The following PCDHA12 variants were observed in gnomAD, a reference collection of about 807,000 sequenced individuals.
PCDHA12 encodes the protein protocadherin alpha-12.
A neutral mutation model predicts 60.0 loss-of-function variants in PCDHA12; 44 were observed. That is an observed-to-expected ratio of 0.73 (90% CI 0.58 to 0.94). PCDHA12 has a LOEUF of 0.94. Among genes scored for constraint, PCDHA12 ranks in the 40% least tolerant of loss-of-function variants. PCDHA12 has a pLI of 0.00. For synonymous variants in PCDHA12, 569 were observed against 553.0 expected, an observed-to-expected ratio of 1.03 and a Z score of -0.40; for missense variants, 1,276 against 1,239.7, an observed-to-expected ratio of 1.03 and a Z score of -0.44.
At chr5:140,947,134 A>T in intron 1 of PCDHA12, among the ~76,000 whole-genome samples, 1 of 151,648 alleles carries the variant, frequency 6.6e-6, no homozygotes, top group Admixed American at 6.6e-5. Context: ...AAAAATAGTA[A>T]AATGTATAGT....
rs782531082 is a variant in PCDHA12 at position 140,877,160 on chromosome 5, C to T, written c.1688C>T (p.Pro563Leu). The T allele has an allele frequency of 4.0e-5, 64 of 1,613,696 alleles. 1 individual carries two copies. In the Admixed American group the frequency reaches 1.0e-3, roughly 26 times the overall value. ...VFVLDENDNA[P>L]ALLATPAGSA... is the part of the protein sequence containing the mutation. The stretch of plus-strand genomic sequence containing the variant: ...GTGCTGGACGAGAACGACAACGCGC[C>T]GGCACTGCTGGCGACTCCGGCTGGC... Residue 563 changes from proline to leucine, a missense_variant, in exon 1 of 4, where the codon CCG becomes CTG. Transcript: ENST00000398631.
At chr5:140,973,946 G>A (rs566831681) in intron 1 of PCDHA12, among the ~76,000 whole-genome samples, 45 of 152,304 alleles carry the variant, frequency 3.0e-4, no homozygotes, top group Non-Finnish European at 1.5e-4. Flanking sequence ...GAATATGATG[G>A]CATTTTACAG....
At chr5:140,971,987 G>A (rs1246433962) in intron 1 of PCDHA12, among the ~76,000 whole-genome samples, 1 of 152,086 alleles carries the variant, frequency 6.6e-6, no homozygotes, top group Non-Finnish European at 1.5e-5. Context: ...GTAGACAGAA[G>A]TTCCAATGTT....
At chr5:140,917,522 G>A (rs931609211) in intron 1 of PCDHA12, among the ~76,000 whole-genome samples, 1 of 152,144 alleles carries the variant, frequency 6.6e-6, no homozygotes, top group Non-Finnish European at 1.5e-5. Context: ...TTTATTCTAC[G>A]GTTTGTATAG....
intron 3 of PCDHA12, among the ~76,000 whole-genome samples, chr5:140,999,483 T>G (rs1316785085): frequency 3.3e-5 from 5 of 152,152 alleles, no homozygotes; most frequent in Admixed American, 2.6e-4. Flanking sequence ...CCAACTCAAG[T>G]CTATGTTACC....
chr5:140,941,202 C>CTTTCTGTCTTTCTTT (rs1554213921), intron 1 of PCDHA12, among the ~76,000 whole-genome samples: 1 of 122,742 alleles, frequency 8.1e-6, no homozygotes, highest in African/African-American at 3.0e-5. Context: ...TTTCTTTCTT[C>CTTTCTGTCTTTCTTT]CTTTCTTTCT....
At position 140,875,922 on chromosome 5, in the gene PCDHA12, T is replaced by A. The variant is rs1554168077; in HGVS notation, c.450T>A (p.Ser150=). ...TTTCTGAATCTGCGCCTCTGGACTC[T>A]CATTTTCCTCTAGAGGGCGCTTCTG... ...VPVSESAPLD[S]HFPLEGASDA... Residue 150 remains serine (S), a synonymous_variant, in exon 1 of 4, where the codon TCT becomes TCA. Coordinates refer to ENST00000398631, the MANE Select transcript of PCDHA12 (RefSeq NM_018903.4). 6.2e-7 allele frequency: 1 copy of A among 1,614,200 alleles called. No homozygotes were observed. Among genetic ancestry groups the A allele is most frequent in the Admixed American group, 1.7e-5 (1 of 60,028 alleles).
At chr5:140,941,255 C>CTTTCTTTCTTTCTTTCTTTCTTTCTTTT (rs782490896) in intron 1 of PCDHA12, among the ~76,000 whole-genome samples, 1 of 44,508 alleles carries the variant, frequency 2.2e-5, no homozygotes, top group Non-Finnish European at 5.1e-5. Flanking sequence ...TTCTTTCTTT[C>CTTTCTTTCTTTCTTTCTTTCTTTCTTTT]TCTTTCTTTC....
chr5:140,988,024 A>G (rs2153870091), intron 3 of PCDHA12, among the ~76,000 whole-genome samples: 1 of 152,316 alleles, frequency 6.6e-6, no homozygotes, highest in East Asian at 1.9e-4. Flanking sequence ...ATGATTCTTA[A>G]GTTTTTTAGA....
chr5:140,987,636 C>A (rs569411440), intron 3 of PCDHA12, among the ~76,000 whole-genome samples: 1 of 152,256 alleles, frequency 6.6e-6, no homozygotes, highest in African/African-American at 2.4e-5. Context: ...TGAGATAATG[C>A]ACACATATTG....
At chr5:140,973,414 C>G (rs992904408) in intron 1 of PCDHA12, among the ~76,000 whole-genome samples, 1 of 152,204 alleles carries the variant, frequency 6.6e-6, no homozygotes, top group Non-Finnish European at 1.5e-5. Flanking sequence ...GCTTCCACTC[C>G]AGTTTTTCAT....
intron 1 of PCDHA12, among the ~76,000 whole-genome samples, chr5:140,969,881 G>C (rs1554232131): frequency 6.6e-6 from 1 of 152,196 alleles, no homozygotes; most frequent in African/African-American, 2.4e-5. Flanking sequence ...CTATGTGATA[G>C]GATCCTCTGG....
chr5:140,996,237 G>T (rs1169717703), intron 3 of PCDHA12, among the ~76,000 whole-genome samples: 1 of 152,186 alleles, frequency 6.6e-6, no homozygotes, highest in Non-Finnish European at 1.5e-5. Context: ...GTTGCTCAAG[G>T]CTGAGAAGTG....
chr5:141,000,422 T>TATATA (rs1491457105), intron 3 of PCDHA12, among the ~76,000 whole-genome samples: 1 of 51,852 alleles, frequency 1.9e-5, no homozygotes, highest in Non-Finnish European at 3.5e-5. Flanking sequence ...TATATATATA[T>TATATA]TTTTTTTTTT....
chr5:140,923,644 C>G (rs1554201552), intron 1 of PCDHA12, among the ~76,000 whole-genome samples: 1 of 152,204 alleles, frequency 6.6e-6, no homozygotes. Flanking sequence ...AAATCTTTAG[C>G]CTCCCTTATC....
chr5:140,979,197 T>C (rs954222917), intron 2 of PCDHA12, among the ~76,000 whole-genome samples, 190 bp downstream of exon 2: 2 of 152,214 alleles, frequency 1.3e-5, no homozygotes, highest in Non-Finnish European at 2.9e-5. Flanking sequence ...CAGATGCTTA[T>C]CAAGTGCTGG....
intron 3 of PCDHA12, among the ~76,000 whole-genome samples, chr5:140,987,129 G>A (rs1281954011): frequency 1.3e-5 from 2 of 151,758 alleles, no homozygotes; most frequent in African/African-American, 4.8e-5. Flanking sequence ...CAGGAGAATT[G>A]CTTGAACTCG....
chr5:140,894,525 A>G (rs544789222), intron 1 of PCDHA12, among the ~76,000 whole-genome samples: 11 of 151,856 alleles, frequency 7.2e-5, no homozygotes, highest in African/African-American at 2.7e-4. Context: ...ATATGCTGTT[A>G]TGTGCCTTCT....
chr5:140,926,659 C>T, intron 1 of PCDHA12: 1 of 531,904 alleles, frequency 1.9e-6, no homozygotes, highest in Non-Finnish European at 3.0e-6. Context: ...CTCCGCTTTC[C>T]CAGACGGCTG....
Sources: gnomAD v4.1 joint callset for allele counts (sites outside exome capture counted in the v4.1 genomes callset) on GRCh38, gnomAD v4.1.1 for gene constraint, MANE v1.5 for transcripts, NCBI Gene and HGNC (gene_info 2026-07-23, HGNC 2026-07-21) for gene names.